RIPK2: variants seen among roughly 807,000 people sequenced by gnomAD.
RIPK2 encodes the protein receptor-interacting serine/threonine-protein kinase 2.
A neutral mutation model predicts 60.9 loss-of-function variants in RIPK2; 38 were observed. The observed-to-expected ratio is 0.62, with a 90% CI of 0.48 to 0.82. RIPK2 has a LOEUF of 0.82. Among genes scored for constraint, RIPK2 ranks in the 40% least tolerant of loss-of-function variants. The pLI is 0.00. For missense variants in RIPK2, 518 were observed against 647.0 expected (o/e 0.80, Z 2.16); for synonymous variants, 225 against 223.4 (o/e 1.01, Z -0.06).
At position 89,758,236 on chromosome 8, in the gene RIPK2, A is replaced by G; in HGVS notation, c.173+3A>G. ...ATCCACACTCCGCTGCTCGACAGGT[A>G]GGCAGTCACTGGGGTTCCCTGGAAG... On this transcript the variant is annotated splice_donor_region_variant and intron_variant, in intron 1 of 10. Coordinates refer to ENST00000220751, the MANE Select transcript of RIPK2 (RefSeq NM_003821.6). 3 of 1,599,310 alleles carry G rather than the reference A, an allele frequency of 1.9e-6. No individual in the cohort carries two copies. Among genetic ancestry groups the G allele is most frequent in the South Asian group, 1.1e-5 (1 of 89,244 alleles).
Position 89,784,053 on chromosome 8 carries a change from C to A in RIPK2, c.943C>A (p.Gln315Lys). Residue 315 changes from glutamine (Q) to lysine (K), a missense_variant, in exon 8 of 11, where the codon CAG becomes AAG. Physicochemically the swap from Gln to Lys is moderately conservative, Grantham distance 53. Around this residue, in one of 3 missense-constraint regions of RIPK2, gnomAD observed 448 missense variants for 534.7 expected, o/e 0.84. Coordinates refer to ENST00000220751, the MANE Select transcript of RIPK2 (RefSeq NM_003821.6). The stretch of plus-strand genomic sequence containing the variant: ...TATATTTATGTATTCATTACAGTTA[C>A]AGAGTGTTTCAAGTGCCATTCACCT... ...AVIQLKKTKL[Q>K]SVSSAIHLCD... 6.7e-7 allele frequency: 1 copy of A among 1,498,666 alleles called. No individual in the cohort carries two copies. Among genetic ancestry groups the A allele is most frequent in the Non-Finnish European group, 9.1e-7 (1 of 1,102,670 alleles). 92.8% of individuals were successfully genotyped at this position (1,498,666 alleles called of 1,614,324 possible). A position where few individuals can be genotyped will look rare whatever the true frequency, so the allele number is the denominator to read the frequency against.
chr8:89,790,189 A>G lies in RIPK2; in HGVS notation c.1396A>G (p.Arg466Gly). 2 of 1,614,154 alleles carry G rather than the reference A, an allele frequency of 1.2e-6. No individual in the cohort carries two copies. Among genetic ancestry groups the G allele is most frequent in the East Asian group, 2.2e-5 (1 of 44,882 alleles). Residue 466 changes from arginine to glycine, a missense_variant, in exon 11 of 11, where the codon AGG becomes GGG. Transcript: ENST00000220751. ...CCAGTCGCTAGATGCCCTTCTGTCC[A>G]GGGACTTGATCATGAAAGAGGACTA... ...LNQSLDALLSRDLIMKEDYEL... is the reference protein window; with the variant it reads ...LNQSLDALLSGDLIMKEDYEL...
chr8:89,785,389 T>C (rs1039519834), intron 8 of RIPK2, among the ~76,000 whole-genome samples: 1 of 151,948 alleles, frequency 6.6e-6, no homozygotes, highest in Admixed American at 6.6e-5. Flanking sequence ...GCAGGAGAAT[T>C]GCTTGAACAA....
At chr8:89,770,147 G>A (rs1047780732) in intron 4 of RIPK2, among the ~76,000 whole-genome samples, 7 of 151,846 alleles carry the variant, frequency 4.6e-5, no homozygotes, top group South Asian at 4.1e-4. Context: ...AAATTTTAAA[G>A]CATCTCTTCT....
intron 3 of RIPK2, among the ~76,000 whole-genome samples, chr8:89,768,826 T>C (rs1430564260): frequency 6.6e-6 from 1 of 151,758 alleles, no homozygotes; most frequent in African/African-American, 2.4e-5. Context: ...ATAAAAATTA[T>C]GTATTTTGTT....
At chr8:89,761,286 TCTC>T (rs1203181553) in intron 1 of RIPK2, among the ~76,000 whole-genome samples, 2 of 152,096 alleles carry the variant, frequency 1.3e-5, no homozygotes, top group African/African-American at 4.8e-5. Context: ...CTAATAGGCT[TCTC>T]CTGGAAACAT....
At chr8:89,779,668 A>T (rs1198265943) in intron 6 of RIPK2, among the ~76,000 whole-genome samples, 2 of 151,992 alleles carry the variant, frequency 1.3e-5, no homozygotes, top group Admixed American at 1.3e-4. Flanking sequence ...CATATCTAAG[A>T]ACTCTGCCTA....
chr8:89,760,623 T>C (rs1038399390), intron 1 of RIPK2, among the ~76,000 whole-genome samples: 1 of 152,210 alleles, frequency 6.6e-6, no homozygotes, highest in African/African-American at 2.4e-5. Context: ...ATGATTGCAA[T>C]TCAAATCTGA....
At position 89,757,951 on chromosome 8, in the gene RIPK2, G is replaced by A; in HGVS notation, c.-110G>A. The A allele has an allele frequency of 7.1e-7, 1 of 1,415,162 alleles. No individual in the cohort carries two copies. Among genetic ancestry groups the A allele is most frequent in the South Asian group, 1.5e-5 (1 of 66,346 alleles). 87.7% of individuals were successfully genotyped at this position (1,415,162 alleles called of 1,614,324 possible). The stretch of plus-strand genomic sequence containing the variant: ...AGTGTTGCGGGGCAAAAAGGGTCTT[G>A]CCGGCCTCGCTCGTGCAGGGGCGTA... On this transcript the variant is annotated 5_prime_UTR_variant, in exon 1 of 11. Transcript: ENST00000220751.
chr8:89,781,984 CAT>C (rs1292102268), intron 7 of RIPK2, among the ~76,000 whole-genome samples: 2 of 151,990 alleles, frequency 1.3e-5, no homozygotes, highest in Non-Finnish European at 2.9e-5. Flanking sequence ...GGCAAAAAAA[CAT>C]AACAAAACAA....
chr8:89,779,753 A>G (rs1809466453), intron 6 of RIPK2, among the ~76,000 whole-genome samples: 1 of 152,190 alleles, frequency 6.6e-6, no homozygotes, highest in Admixed American at 6.5e-5. Context: ...TTTTATGTGT[A>G]GTGTGATATA....
chr8:89,783,820 G>C (rs1809539146), intron 7 of RIPK2, among the ~76,000 whole-genome samples: 1 of 152,150 alleles, frequency 6.6e-6, no homozygotes, highest in South Asian at 2.1e-4. Flanking sequence ...CTGAGACACT[G>C]AGAGAAGGTA....
At chr8:89,765,317 C>T (rs1184340495) in intron 2 of RIPK2, 24 bp from the exon 3 acceptor site, 2 of 1,551,898 alleles carry the variant, frequency 1.3e-6, no homozygotes, top group Non-Finnish European at 1.8e-6. Flanking sequence ...ATTTCATTTT[C>T]TTTCTTTTCA....
chr8:89,775,884 CCTTT>C (rs556361586), intron 6 of RIPK2, among the ~76,000 whole-genome samples: 29 of 152,138 alleles, frequency 1.9e-4, no homozygotes, highest in South Asian at 1.0e-3. Flanking sequence ...CCCTGCCTTC[CCTTT>C]CTAAGTTCAG....
chr8:89,766,594 A>G (rs957498922), intron 3 of RIPK2, among the ~76,000 whole-genome samples: 4 of 151,302 alleles, frequency 2.6e-5, no homozygotes, highest in Non-Finnish European at 4.4e-5. Flanking sequence ...TCCCAGTTAT[A>G]GTTTATCTTT....
chr8:89,770,634 A>T (rs1809297424), intron 4 of RIPK2, among the ~76,000 whole-genome samples: 2 of 151,880 alleles, frequency 1.3e-5, no homozygotes, highest in Non-Finnish European at 2.9e-5. Flanking sequence ...TGCTCTGAAC[A>T]CATTTTATAG....
intron 1 of RIPK2, 107 bp from the exon 2 acceptor site, chr8:89,762,721 AT>A: frequency 5.9e-6 from 3 of 510,076 alleles, no homozygotes; most frequent in Non-Finnish European, 9.8e-6. Flanking sequence ...CATAATTTAC[AT>A]GAGGTCACAT....
At chr8:89,758,285 C>T in intron 1 of RIPK2, 52 bp downstream of exon 1, 1 of 1,507,370 alleles carries the variant, frequency 6.6e-7, no homozygotes, top group Non-Finnish European at 8.9e-7. Flanking sequence ...TGCATCCCCT[C>T]AAGCCCCCTG....
chr8:89,790,665 A>G lies in RIPK2; in HGVS notation c.*249A>G, dbSNP rs570410978. 2.8e-6 allele frequency: 1 copy of G among 357,748 alleles called. No individual in the cohort carries two copies. The highest frequency in any genetic ancestry group is 4.3e-5 in the South Asian group (1 of 23,172). The allele number at this position is 357,748 out of a possible 1,614,324, so 22.2% of individuals were successfully genotyped here. A position where few individuals can be genotyped will look rare whatever the true frequency, so the allele number is the denominator to read the frequency against. ...AAACCACTTTTAAAGGATAGTAATTATTCTTGTTTATAACAGTGCCTTAAG... is the reference window on the plus strand; with the variant it reads ...AAACCACTTTTAAAGGATAGTAATTGTTCTTGTTTATAACAGTGCCTTAAG... On this transcript the variant is annotated 3_prime_UTR_variant, in exon 11 of 11. Transcript: ENST00000220751.
Sources: gnomAD v4.1 joint callset for allele counts (sites outside exome capture counted in the v4.1 genomes callset) on GRCh38, gnomAD v4.1.1 for gene constraint, gnomAD v4.1.1 regional missense constraint, MANE v1.5 for transcripts, NCBI Gene and HGNC (gene_info 2026-07-23, HGNC 2026-07-21) for gene names.